CRACD: variants seen among roughly 807,000 people sequenced by gnomAD.
The protein encoded by CRACD is capping protein-inhibiting regulator of actin dynamics.
A neutral mutation model predicts 106.8 loss-of-function variants in CRACD; 56 were observed. The observed-to-expected ratio is 0.52, with a 90% CI of 0.42 to 0.66. The LOEUF (loss-of-function observed/expected upper bound fraction) is 0.66, where lower values mean the gene tolerates loss of function less well. CRACD is among the 30% of genes least tolerant of loss of function. CRACD has a pLI of 0.00. For synonymous variants in CRACD, 754 were observed against 670.8 expected (o/e 1.12, Z -1.92); for missense variants, 1,730 against 1,623.2 (o/e 1.07, Z -1.13).
At chr4:56,072,019 G>T (rs542895046) in intron 1 of CRACD, among the ~76,000 whole-genome samples, 224 of 151,378 alleles carry the variant, frequency 1.5e-3, no homozygotes, top group African/African-American at 4.6e-3. Flanking sequence ...TCCCAGCTAC[G>T]CGGGAGGCTG....
At chr4:56,122,032 G>A (rs1734501170) in intron 1 of CRACD, among the ~76,000 whole-genome samples, 1 of 152,066 alleles carries the variant, frequency 6.6e-6, no homozygotes, top group Non-Finnish European at 1.5e-5. Context: ...TCTATAGGCA[G>A]GCACAGTGGT....
At chr4:56,151,887 T>A (rs775716180) in intron 1 of CRACD, among the ~76,000 whole-genome samples, 10 of 152,228 alleles carry the variant, frequency 6.6e-5, no homozygotes, top group Admixed American at 3.9e-4. Flanking sequence ...GAAGAGGATC[T>A]GTGTTCTCAT....
At chr4:56,057,976 G>A (rs867009927) in intron 1 of CRACD, among the ~76,000 whole-genome samples, 29 of 67,926 alleles carry the variant, frequency 4.3e-4, no homozygotes, top group African/African-American at 6.0e-4. Context: ...CCGCTACCAC[G>A]CCCAGCTAAT....
intron 1 of CRACD, among the ~76,000 whole-genome samples, chr4:56,136,573 C>A (rs533556788): frequency 1.3e-5 from 2 of 152,196 alleles, no homozygotes; most frequent in East Asian, 3.9e-4. Context: ...AGTGTCAAGT[C>A]TTTTGCCCAT....
At chr4:56,201,499 G>A (rs1186986834) in intron 2 of CRACD, among the ~76,000 whole-genome samples, 1 of 152,164 alleles carries the variant, frequency 6.6e-6, no homozygotes, top group African/African-American at 2.4e-5. Flanking sequence ...ATTTCCAGTA[G>A]CATTGATGGG....
rs542642216 is a variant in CRACD at position 56,233,466 on chromosome 4, T to G, written c.-188-38855T>G. Among the ~76,000 whole-genome samples the G allele has an allele frequency of 9.9e-5, 15 of 152,242 alleles. No homozygotes were observed. In the South Asian group the frequency reaches 2.9e-3, roughly 30 times the overall value. On this transcript the variant is annotated intron_variant, in intron 2 of 10. Coordinates refer to ENST00000682029, the MANE Select transcript of CRACD (RefSeq NM_001393381.1). ...AAAGTCTAACATTTCCTCACTAAAT[T>G]GCCTTTACATCTTTGGTCAAAAATC... is the stretch of plus-strand genomic sequence containing the variant.
intron 1 of CRACD, among the ~76,000 whole-genome samples, chr4:56,106,873 C>T (rs1360764013): frequency 1.3e-5 from 2 of 152,162 alleles, no homozygotes; most frequent in African/African-American, 4.8e-5. Flanking sequence ...TAAGGCTGTA[C>T]AACTTCTGAT....
At chr4:56,129,833 AC>A (rs1360517490) in intron 1 of CRACD, among the ~76,000 whole-genome samples, 1 of 152,180 alleles carries the variant, frequency 6.6e-6, no homozygotes, top group Non-Finnish European at 1.5e-5. Context: ...AAAAAATGTG[AC>A]CATGGAATGT....
chr4:56,283,904 G>A (rs537810031), intron 3 of CRACD, among the ~76,000 whole-genome samples: 10 of 152,308 alleles, frequency 6.6e-5, no homozygotes, highest in African/African-American at 2.4e-4. Flanking sequence ...GGGAAGCAAA[G>A]CCTGGAGCAG....
intron 8 of CRACD, among the ~76,000 whole-genome samples, chr4:56,317,468 C>A (rs1745752530): frequency 6.6e-6 from 1 of 152,180 alleles, no homozygotes; most frequent in South Asian, 2.1e-4. Flanking sequence ...AAGGTGCCAA[C>A]AGTTAGATGA....
chr4:56,074,765 G>T (rs1279260627), intron 1 of CRACD, among the ~76,000 whole-genome samples: 6 of 152,048 alleles, frequency 3.9e-5, no homozygotes, highest in Non-Finnish European at 8.8e-5. Flanking sequence ...TCTTGTGCCG[G>T]TTTTCAAAGG....
chr4:56,120,472 A>G (rs919712319), intron 1 of CRACD, among the ~76,000 whole-genome samples: 2 of 152,252 alleles, frequency 1.3e-5, no homozygotes, highest in Non-Finnish European at 2.9e-5. Flanking sequence ...TAATTTTCTA[A>G]GAAATTACCA....
At chr4:56,141,818 C>G (rs918704625) in intron 1 of CRACD, among the ~76,000 whole-genome samples, 1 of 149,920 alleles carries the variant, frequency 6.7e-6, no homozygotes, top group Non-Finnish European at 1.5e-5. Context: ...CTTAGCCTCC[C>G]AAATAGCTGG....
intron 1 of CRACD, among the ~76,000 whole-genome samples, chr4:56,135,500 C>T (rs895995302): frequency 6.6e-6 from 1 of 152,194 alleles, no homozygotes; most frequent in Non-Finnish European, 1.5e-5. Context: ...TTTCAGTGCT[C>T]CCAGCGTCCT....
intron 2 of CRACD, among the ~76,000 whole-genome samples, chr4:56,197,442 G>C (rs1577730877): frequency 6.6e-6 from 1 of 152,106 alleles, no homozygotes; most frequent in Non-Finnish European, 1.5e-5. Context: ...AGAAATCAAA[G>C]TTAGGAACAG....
intron 2 of CRACD, among the ~76,000 whole-genome samples, chr4:56,191,638 T>C (rs574821285): frequency 8.5e-5 from 13 of 152,320 alleles, no homozygotes; most frequent in African/African-American, 3.1e-4. Context: ...TGGAGAGCCA[T>C]TATTCTACCT....
At chr4:56,102,114 A>C (rs1308682823) in intron 1 of CRACD, among the ~76,000 whole-genome samples, 1 of 152,122 alleles carries the variant, frequency 6.6e-6, no homozygotes, top group Non-Finnish European at 1.5e-5. Flanking sequence ...GGAATTGCTA[A>C]GTTGGAGCGT....
intron 2 of CRACD, among the ~76,000 whole-genome samples, chr4:56,198,750 C>T (rs960444965): frequency 1.3e-5 from 2 of 151,932 alleles, no homozygotes; most frequent in Middle Eastern, 3.4e-3. Context: ...AAAAAAAAGA[C>T]AATATAAATT....
At chr4:56,229,214 C>T (rs1739477938) in intron 2 of CRACD, among the ~76,000 whole-genome samples, 1 of 152,166 alleles carries the variant, frequency 6.6e-6, no homozygotes, top group African/African-American at 2.4e-5. Flanking sequence ...ATGTTGGAAC[C>T]TAATCCCCAA....
Sources: gnomAD v4.1 joint callset for allele counts (sites outside exome capture counted in the v4.1 genomes callset) on GRCh38, gnomAD v4.1.1 for gene constraint, MANE v1.5 for transcripts, NCBI Gene and HGNC (gene_info 2026-07-23, HGNC 2026-07-21) for gene names.